The following TMPRSS4 variants were observed in gnomAD, a reference collection of about 807,000 sequenced individuals.
The protein encoded by TMPRSS4 is transmembrane protease serine 4.
In TMPRSS4, 45 loss-of-function variants were observed where a neutral mutation model predicts 56.4. That is an observed-to-expected ratio of 0.80 (90% CI 0.63 to 1.02). The LOEUF (loss-of-function observed/expected upper bound fraction) is 1.02, where lower values mean the gene tolerates loss of function less well. TMPRSS4 is among the 50% of genes least tolerant of loss of function. TMPRSS4 has a pLI of 0.00. For synonymous variants in TMPRSS4, 205 were observed against 211.0 expected (o/e 0.97, Z 0.25); for missense variants, 546 against 556.7 (o/e 0.98, Z 0.19).
intron 1 of TMPRSS4, chr11:118,087,784 G>C (rs1428088332): frequency 6.6e-6 from 1 of 152,280 alleles, no homozygotes; most frequent in East Asian, 1.9e-4. Flanking sequence ...ACAGTGGTAG[G>C]GGTGGGGAAT....
chr11:118,085,504 C>T (rs188459534), intron 1 of TMPRSS4, among the ~76,000 whole-genome samples: 31 of 152,252 alleles, frequency 2.0e-4, no homozygotes, highest in Non-Finnish European at 4.4e-4. Flanking sequence ...ATTTCCCTCC[C>T]TCTTAAAGTT....
chr11:118,112,551 C>G (rs1210553973), intron 8 of TMPRSS4, among the ~76,000 whole-genome samples: 1 of 151,824 alleles, frequency 6.6e-6, no homozygotes, highest in Non-Finnish European at 1.5e-5. Flanking sequence ...GGCCACCATG[C>G]CCGGCTAATT....
intron 1 of TMPRSS4, among the ~76,000 whole-genome samples, chr11:118,078,835 C>G (rs2135184658): frequency 6.6e-6 from 1 of 152,274 alleles, no homozygotes; most frequent in South Asian, 2.1e-4. Context: ...TCTCCCCTGC[C>G]CACGGAAACG....
At chr11:118,111,925 C>A (rs1206212112) in intron 8 of TMPRSS4, 25 bp downstream of exon 8, 23 of 1,593,752 alleles carry the variant, frequency 1.4e-5, no homozygotes, top group Non-Finnish European at 1.9e-5. Context: ...GTAAGGAGGT[C>A]TCTGGGGACC....
Position 118,103,200 on chromosome 11 carries a change from G to A in TMPRSS4, c.257G>A (p.Gly86Glu), listed in dbSNP as rs1472891336. Residue 86 changes from glycine to glutamate, a missense_variant, in exon 4 of 13, where the codon GGG becomes GAG. By Grantham distance (98) the Gly-to-Glu change is moderately conservative. Coordinates refer to ENST00000437212, the MANE Select transcript of TMPRSS4 (RefSeq NM_019894.4). ...GACGGAGAGCTGGACTGTCCCTTGG[G>A]GGAGGACGAGGAGCACTGTGTCAAG... ...LCDGELDCPL[G>E]EDEEHCVKSF... The A allele has an allele frequency of 1.2e-6, 2 of 1,614,094 alleles. No individual in the cohort carries two copies. Among genetic ancestry groups the A allele is most frequent in the Non-Finnish European group, 1.7e-6 (2 of 1,180,054 alleles).
In TMPRSS4 at chr11:118,119,211, C is replaced by T. The variant is rs1260115004; in HGVS notation, c.*1298C>T. 2.0e-6 allele frequency: 2 copies of T among 985,370 alleles called. No individual in the cohort carries two copies. Among genetic ancestry groups the T allele is most frequent in the African/African-American group, 1.7e-5 (1 of 57,342 alleles). 61.0% of individuals were successfully genotyped at this position (985,370 alleles called of 1,614,324 possible). A position where few individuals can be genotyped will look rare whatever the true frequency, so the allele number is the denominator to read the frequency against. ...GGAAACTAAGGTGATGATCTGGGAGCAATACACTAAAATCTTGGGTCGAGA... is the reference window on the plus strand; with the variant it reads ...GGAAACTAAGGTGATGATCTGGGAGTAATACACTAAAATCTTGGGTCGAGA... On this transcript the variant is annotated 3_prime_UTR_variant, in exon 13 of 13. Coordinates refer to ENST00000437212, the MANE Select transcript of TMPRSS4 (RefSeq NM_019894.4).
chr11:118,078,243 G>T (rs1168830685), intron 1 of TMPRSS4, among the ~76,000 whole-genome samples: 1 of 152,098 alleles, frequency 6.6e-6, no homozygotes, highest in South Asian at 2.1e-4. Context: ...GAGGGGAAGA[G>T]ATAATAACTG....
At chr11:118,079,254 C>A (rs1944941197) in intron 1 of TMPRSS4, among the ~76,000 whole-genome samples, 1 of 152,108 alleles carries the variant, frequency 6.6e-6, no homozygotes, top group Non-Finnish European at 1.5e-5. Flanking sequence ...AGCTCCCAGC[C>A]CTGAGGGGAG....
chr11:118,103,536 C>T (rs1432798606), intron 4 of TMPRSS4, among the ~76,000 whole-genome samples: 3 of 152,210 alleles, frequency 2.0e-5, no homozygotes, highest in Non-Finnish European at 4.4e-5. Flanking sequence ...TGCCAGCCAC[C>T]ACGCCTGGCT....
chr11:118,094,756 G>C (rs1397294246), intron 1 of TMPRSS4, 60 bp from the exon 2 acceptor site: 3 of 1,536,688 alleles, frequency 2.0e-6, no homozygotes, highest in Non-Finnish European at 2.7e-6. Flanking sequence ...ACCTCCCGTA[G>C]GCTGCTAGCC....
chr11:118,102,809 G>A, intron 3 of TMPRSS4: 2 of 368,678 alleles, frequency 5.4e-6, no homozygotes, highest in Non-Finnish European at 1.0e-5. Context: ...AGTACATACT[G>A]AGCGAGCACT....
rs1941632 is a variant in TMPRSS4 at position 118,095,903 on chromosome 11, G to T, written c.43+1048G>T. ...CAGGCTGGAGGGAGGAACAACAGCC[G>T]GCAAGGAGGCTGTTCATAGCTCACT... On this transcript the variant is annotated intron_variant, in intron 2 of 12. Transcript: ENST00000437212. 2.3e-3 allele frequency among the ~76,000 whole-genome samples: 347 copies of T among 152,066 alleles called. 3 individuals carry two copies. Among genetic ancestry groups the T allele is most frequent in the South Asian group, 6.4e-3 (31 of 4,826 alleles).
In TMPRSS4 at chr11:118,115,211, G is replaced by A. The variant is rs1015574043; in HGVS notation, c.1083G>A (p.Ala361=). The change falls in exon 11 of 13, where the codon GCG becomes GCA. Residue 361 remains alanine, a synonymous_variant. Coordinates refer to ENST00000437212, the MANE Select transcript of TMPRSS4 (RefSeq NM_019894.4). ...GCACACGGTGCAATGCAGACGATGC[G>A]TACCAGGGGGAAGTCACCGAGAAGA... ...IDSTRCNADD[A]YQGEVTEKMM... 20 of 1,612,838 alleles carry A rather than the reference G, an allele frequency of 1.2e-5. No individual in the cohort carries two copies. The highest frequency in any genetic ancestry group is 3.3e-5 in the Admixed American group (2 of 59,934).
In TMPRSS4 at chr11:118,117,936, T is replaced by C. The variant is rs769708985; in HGVS notation, c.*23T>C. On this transcript the variant is annotated 3_prime_UTR_variant, in exon 13 of 13. Coordinates refer to ENST00000437212, the MANE Select transcript of TMPRSS4 (RefSeq NM_019894.4). ...TAATGCTGCTGCCCCTTTGCAGTGC[T>C]GGGAGCCGCTTCCTTCCTGCCCTGC... The C allele has an allele frequency of 1.2e-6, 2 of 1,612,848 alleles. No individual in the cohort carries two copies. Among genetic ancestry groups the C allele is most frequent in the East Asian group, 2.2e-5 (1 of 44,892 alleles).
intron 2 of TMPRSS4, among the ~76,000 whole-genome samples, chr11:118,098,640 G>A (rs111663314): frequency 7.9e-5 from 12 of 152,300 alleles, no homozygotes; most frequent in African/African-American, 2.9e-4. Flanking sequence ...GAATGGGTAC[G>A]TGCCCCAGGG....
intron 1 of TMPRSS4, among the ~76,000 whole-genome samples, chr11:118,088,699 G>T (rs548203765): frequency 1.3e-4 from 20 of 152,362 alleles, no homozygotes; most frequent in African/African-American, 4.6e-4. Context: ...AAAGGGAAAG[G>T]CCAATGCCTT....
chr11:118,088,202 A>G (rs556802417), intron 1 of TMPRSS4: 3 of 152,416 alleles, frequency 2.0e-5, no homozygotes, highest in Non-Finnish European at 2.9e-5. Context: ...CCAAAGGGCT[A>G]GATCTGTTCC....
At chr11:118,077,597 T>G (rs1944757267) in intron 1 of TMPRSS4, among the ~76,000 whole-genome samples, 1 of 152,204 alleles carries the variant, frequency 6.6e-6, no homozygotes, top group Non-Finnish European at 1.5e-5. Context: ...CATGTTCTTT[T>G]GCCCAATGTC....
chr11:118,103,099 A>G lies in TMPRSS4; in HGVS notation c.158-2A>G. 1 of 1,614,036 alleles carries G rather than the reference A, an allele frequency of 6.2e-7. No homozygotes were observed. The highest frequency in any genetic ancestry group is 8.5e-7 in the Non-Finnish European group (1 of 1,179,992). On this transcript the variant is annotated splice_acceptor_variant, in intron 3 of 12. Coordinates refer to ENST00000437212, the MANE Select transcript of TMPRSS4 (RefSeq NM_019894.4). LOFTEE classifies it high-confidence loss of function. ...CTGCCTCTCCCTGCACTTGCCTTCC[A>G]GTCAAGGTGATTCTGGATAAATACT...
Sources: gnomAD v4.1 joint callset for allele counts (sites outside exome capture counted in the v4.1 genomes callset) on GRCh38, gnomAD v4.1.1 for gene constraint, MANE v1.5 for transcripts, NCBI Gene and HGNC (gene_info 2026-07-23, HGNC 2026-07-21) for gene names.